The following HEATR5B variants were observed in gnomAD, a reference collection of about 807,000 sequenced individuals.
The protein encoded by HEATR5B is HEAT repeat-containing protein 5B.
HEATR5B carries 156 observed loss-of-function variants against 224.1 expected under a neutral mutation model. The observed-to-expected ratio is 0.70, with a 90% CI of 0.61 to 0.80. The LOEUF is 0.80. Among genes scored for constraint, HEATR5B ranks in the 30% least tolerant of loss-of-function variants. The pLI is 0.00. For missense variants in HEATR5B, 2,323 were observed against 2,535.5 expected (o/e 0.92, Z 1.80); for synonymous variants, 1,027 against 893.0 (o/e 1.15, Z -2.68).
chr2:37,042,113 T>C (rs1398810742), intron 18 of HEATR5B, among the ~76,000 whole-genome samples: 13 of 152,172 alleles, frequency 8.5e-5, no homozygotes, highest in Admixed American at 6.5e-4. Context: ...AAATAAGCTT[T>C]ATTGAGACTC....
At chr2:37,010,746 G>A (rs893696547) in intron 27 of HEATR5B, among the ~76,000 whole-genome samples, 2 of 151,710 alleles carry the variant, frequency 1.3e-5, no homozygotes, top group African/African-American at 2.4e-5. Flanking sequence ...ACTCCTGACC[G>A]CAGGTGATCC....
At chr2:37,008,562 A>T (rs1558723983) in intron 28 of HEATR5B, 49 bp downstream of exon 28, 1 of 1,274,438 alleles carries the variant, frequency 7.8e-7, no homozygotes, top group Admixed American at 1.7e-5. Context: ...ATTTTGTTTA[A>T]CTACTACTTT....
At chr2:36,981,889 AAATAT>A (rs1665605369) in intron 35 of HEATR5B, 95 bp from the exon 36 acceptor site, 2 of 854,002 alleles carry the variant, frequency 2.3e-6, no homozygotes, top group Admixed American at 2.9e-5. Flanking sequence ...GAACATAATA[AAATAT>A]AAGTACACAT....
intron 4 of HEATR5B, among the ~76,000 whole-genome samples, chr2:37,076,349 AT>A (rs1180499298): frequency 1.3e-5 from 2 of 152,246 alleles, no homozygotes; most frequent in East Asian, 1.9e-4. Context: ...CAGGGAAATA[AT>A]TTAGACACAA....
chr2:37,055,272 A>G (rs1670834602), intron 16 of HEATR5B, among the ~76,000 whole-genome samples: 1 of 151,530 alleles, frequency 6.6e-6, no homozygotes, highest in Non-Finnish European at 1.5e-5. Context: ...ACTGTTGAAT[A>G]TTTATGTTAT....
intron 26 of HEATR5B, among the ~76,000 whole-genome samples, chr2:37,017,441 T>C (rs1006287186): frequency 6.0e-5 from 9 of 150,016 alleles, no homozygotes; most frequent in East Asian, 2.0e-4. Context: ...TCCCAGCACT[T>C]TGGGAGGCCC....
chr2:37,024,142 T>C (rs553478825), intron 24 of HEATR5B, among the ~76,000 whole-genome samples: 8 of 152,348 alleles, frequency 5.3e-5, no homozygotes, highest in South Asian at 4.1e-4. Context: ...AAGTGAAATA[T>C]GTCAGGCACA....
chr2:36,996,174 C>T (rs1666692049), intron 33 of HEATR5B, among the ~76,000 whole-genome samples: 2 of 151,722 alleles, frequency 1.3e-5, no homozygotes. Context: ...GATTCTTCTG[C>T]CTCAGCCTCC....
intron 8 of HEATR5B, among the ~76,000 whole-genome samples, chr2:37,068,098 G>C (rs1461377129): frequency 2.6e-5 from 4 of 152,040 alleles, no homozygotes; most frequent in Non-Finnish European, 4.4e-5. Flanking sequence ...TCCATGAAGG[G>C]AGAAACTTTA....
rs12996349 is a variant in HEATR5B, at chr2:37,046,969, G to C, written c.2696+2684C>G. 2.4e-3 allele frequency among the ~76,000 whole-genome samples: 327 copies of C among 137,874 alleles called. 1 individual carries two copies. The highest frequency in any genetic ancestry group is 4.8e-3 in the Admixed American group (62 of 12,794). 90.5% of individuals were successfully genotyped at this position (137,874 alleles called of 152,430 possible). Reference sequence around the variant, plus strand: ...GGAGGCTAAGGAAGGAGAATCACTTGAACCTGGGAGGTGGAGGTTGCAGTG... The same window carrying C: ...GGAGGCTAAGGAAGGAGAATCACTTCAACCTGGGAGGTGGAGGTTGCAGTG... On this transcript the variant is annotated intron_variant, in intron 18 of 35. Coordinates refer to ENST00000233099, the MANE Select transcript of HEATR5B (RefSeq NM_019024.3).
In HEATR5B at chr2:37,060,590, C is replaced by G. The variant is rs1356417860; in HGVS notation, c.1840G>C (p.Ala614Pro). ...WQVTLEGRAG[A>P]LCAMRSFVAH... is the part of the protein sequence containing the mutation. ...TCCTTTCAGTTCTTACCACATAGAG[C>G]TCCAGCACGACCTTCCAAAGTTACC... is the stretch of plus-strand genomic sequence containing the variant. The change falls in exon 12 of 36, where the codon GCT (alanine) becomes CCT (proline). Residue 614 changes from alanine to proline, a missense_variant. Around this residue, in one of 12 missense-constraint regions of HEATR5B, gnomAD observed 502 missense variants for 517.8 expected, o/e 0.97. Transcript: ENST00000233099. 6.2e-7 allele frequency: 1 copy of G among 1,613,260 alleles called. No homozygotes were observed. The highest frequency in any genetic ancestry group is 1.3e-5 in the African/African-American group (1 of 74,862).
rs1178959320 is a variant in HEATR5B at position 37,007,181 on chromosome 2, G to C, written c.4646C>G (p.Ser1549Cys). 6.8e-6 allele frequency: 11 copies of C among 1,613,954 alleles called. No homozygotes were observed. The highest frequency in any genetic ancestry group is 9.3e-6 in the Non-Finnish European group (11 of 1,180,024). ...ACCAGATATTGCTGCTGCTTCTGTA[G>C]ACTCTGAGCACGTAAATCCTGTGCT... ...LNSTGFTCSE[S>C]TEAAAISGLQ... The change falls in exon 29 of 36, where the codon TCT (serine) becomes TGT (cysteine). Residue 1549 changes from serine (S) to cysteine (C), a missense_variant. Coordinates refer to ENST00000233099, the MANE Select transcript of HEATR5B (RefSeq NM_019024.3).
At chr2:36,988,933 C>G in intron 34 of HEATR5B, 74 bp from the exon 35 acceptor site, 2 of 1,108,662 alleles carry the variant, frequency 1.8e-6, no homozygotes, top group African/African-American at 1.6e-5. Context: ...TTGCATCTTA[C>G]TATGTACTGA....
chr2:37,027,485 T>C (rs1037182228), intron 24 of HEATR5B, among the ~76,000 whole-genome samples: 1 of 152,242 alleles, frequency 6.6e-6, no homozygotes, highest in African/African-American at 2.4e-5. Flanking sequence ...ATAGCACTTC[T>C]GAAATTTGAG....
At chr2:37,061,690 T>C (rs1671290957) in intron 11 of HEATR5B, among the ~76,000 whole-genome samples, 1 of 152,158 alleles carries the variant, frequency 6.6e-6, no homozygotes, top group Non-Finnish European at 1.5e-5. Flanking sequence ...ACTAAACTCA[T>C]CAGGTAGACA....
intron 32 of HEATR5B, among the ~76,000 whole-genome samples, chr2:37,001,755 C>A (rs1229206439): frequency 6.6e-6 from 1 of 151,964 alleles, no homozygotes; most frequent in Non-Finnish European, 1.5e-5. Flanking sequence ...CCTCTGCCTC[C>A]CGGGTTCAAG....
intron 30 of HEATR5B, among the ~76,000 whole-genome samples, chr2:37,004,133 G>T (rs1408117109): frequency 6.6e-6 from 1 of 151,984 alleles, no homozygotes; most frequent in Non-Finnish European, 1.5e-5. Context: ...CCCACTTTAA[G>T]CTTCTTACTC....
intron 24 of HEATR5B, among the ~76,000 whole-genome samples, chr2:37,021,063 A>G (rs1668428867): frequency 6.9e-6 from 1 of 145,620 alleles, no homozygotes; most frequent in East Asian, 1.9e-4. Flanking sequence ...ACTTACAATG[A>G]TATGTTATGC....
chr2:37,007,688 C>G (rs1558722854), intron 28 of HEATR5B, among the ~76,000 whole-genome samples: 1 of 152,136 alleles, frequency 6.6e-6, no homozygotes, highest in Non-Finnish European at 1.5e-5. Flanking sequence ...ACAAAAATAC[C>G]TGTTACATAC....
Sources: gnomAD v4.1 joint callset for allele counts (sites outside exome capture counted in the v4.1 genomes callset) on GRCh38, gnomAD v4.1.1 for gene constraint, gnomAD v4.1.1 regional missense constraint, MANE v1.5 for transcripts, NCBI Gene and HGNC (gene_info 2026-07-23, HGNC 2026-07-21) for gene names.